QTMAN: variants seen among roughly 807,000 people sequenced by gnomAD.
The protein encoded by QTMAN is queuosine-tRNA mannosyltransferase.
the QTMAN span, among the ~76,000 whole-genome samples, chr2:144,158,183 AT>A: frequency 6.6e-6 from 1 of 151,946 alleles, no homozygotes; most frequent in Non-Finnish European, 1.5e-5. Context: ...AAATGTTAGT[AT>A]TTTACCACTC....
chr2:144,106,853 GAAGTA>G, the QTMAN span, among the ~76,000 whole-genome samples: 7 of 152,174 alleles, frequency 4.6e-5, no homozygotes, highest in African/African-American at 1.7e-4. Flanking sequence ...CACAGAGTTG[GAAGTA>G]AAGCTCTCCT....
chr2:144,223,966 C>A, the QTMAN span, among the ~76,000 whole-genome samples: 14 of 152,266 alleles, frequency 9.2e-5, no homozygotes, highest in Non-Finnish European at 1.9e-4. Context: ...CGTACAGCAA[C>A]AAGGATTATT....
the QTMAN span, among the ~76,000 whole-genome samples, chr2:143,986,015 C>A: frequency 1.3e-5 from 2 of 152,092 alleles, no homozygotes; most frequent in African/African-American, 4.8e-5. Flanking sequence ...TTAAATGCCT[C>A]ATATTGAGTG....
chr2:144,156,717 C>T, the QTMAN span, among the ~76,000 whole-genome samples: 3 of 151,976 alleles, frequency 2.0e-5, no homozygotes, highest in Non-Finnish European at 4.4e-5. Context: ...AAAATGCTTC[C>T]GTTGATCACA....
chr2:144,075,006 T>C, the QTMAN span, among the ~76,000 whole-genome samples: 1 of 152,226 alleles, frequency 6.6e-6, no homozygotes, highest in Admixed American at 6.5e-5. Context: ...TTGCCAACAT[T>C]TGAGGTTGGA....
the QTMAN span, among the ~76,000 whole-genome samples, chr2:144,246,511 T>C: frequency 2.9e-5 from 4 of 139,812 alleles, no homozygotes; most frequent in African/African-American, 1.1e-4. Flanking sequence ...AAGCGGAGCT[T>C]GCCGTGAGCC....
At chr2:144,281,850 A>T in the QTMAN span, among the ~76,000 whole-genome samples, 5 of 151,654 alleles carry the variant, frequency 3.3e-5, no homozygotes, top group Admixed American at 6.6e-5. Flanking sequence ...TCAGAAAATA[A>T]TTTTTTTTTC....
chr2:144,184,493 C>G, the QTMAN span, among the ~76,000 whole-genome samples: 2 of 151,984 alleles, frequency 1.3e-5, no homozygotes, highest in Admixed American at 1.3e-4. Context: ...AATTCTTCAA[C>G]AAAAGGCTTA....
the QTMAN span, chr2:144,230,242 A>G: frequency 6.6e-6 from 1 of 152,194 alleles, no homozygotes; most frequent in South Asian, 2.1e-4. Context: ...GAACTATACC[A>G]TATGGTCCAG....
At chr2:144,192,811 A>G in the QTMAN span, among the ~76,000 whole-genome samples, 1 of 152,252 alleles carries the variant, frequency 6.6e-6, no homozygotes, top group Admixed American at 6.5e-5. Context: ...TCTCTTGTGA[A>G]CAAGAAACGT....
At chr2:144,179,366 T>A in the QTMAN span, among the ~76,000 whole-genome samples, 1 of 152,212 alleles carries the variant, frequency 6.6e-6, no homozygotes, top group African/African-American at 2.4e-5. Context: ...ATGCTTTGCT[T>A]GCTCAATTGT....
the QTMAN span, among the ~76,000 whole-genome samples, chr2:144,135,145 G>C: frequency 6.6e-6 from 1 of 152,268 alleles, no homozygotes; most frequent in East Asian, 1.9e-4. Context: ...GTAATTTGCT[G>C]TAAGTCTATA....
chr2:144,023,843 A>T, the QTMAN span, among the ~76,000 whole-genome samples: 5,699 of 151,694 alleles, frequency 0.038, 148 homozygotes, highest in East Asian at 0.082. Flanking sequence ...CATAGAAAAT[A>T]AAAAAAAATT....
the QTMAN span, among the ~76,000 whole-genome samples, chr2:144,060,417 C>T: frequency 1.3e-5 from 2 of 152,110 alleles, no homozygotes; most frequent in South Asian, 2.1e-4. Context: ...CCTGGCACCA[C>T]GCCCAGCTAA....
chr2:144,245,128 A>C, the QTMAN span, among the ~76,000 whole-genome samples: 1 of 152,252 alleles, frequency 6.6e-6, no homozygotes. Flanking sequence ...ATAAATTGTA[A>C]TTAGCATCAT....
At chr2:144,276,301 C>G in the QTMAN span, among the ~76,000 whole-genome samples, 1 of 152,180 alleles carries the variant, frequency 6.6e-6, no homozygotes, top group Non-Finnish European at 1.5e-5. Flanking sequence ...CTCCCCTCAG[C>G]CTCCCAAAGT....
chr2:144,098,968 CTGAAAA>C, the QTMAN span, among the ~76,000 whole-genome samples: 1 of 151,910 alleles, frequency 6.6e-6, no homozygotes, highest in Admixed American at 6.6e-5. Flanking sequence ...ATAATATTTA[CTGAAAA>C]TCAAGAAAGG....
the QTMAN span, among the ~76,000 whole-genome samples, chr2:144,295,928 A>G: frequency 6.6e-5 from 10 of 152,168 alleles, no homozygotes; most frequent in African/African-American, 2.4e-4. Context: ...ACTTTTTTTA[A>G]CATGAAAATA....
the QTMAN span, among the ~76,000 whole-genome samples, chr2:144,088,896 T>C: frequency 2.6e-4 from 40 of 152,102 alleles, no homozygotes; most frequent in African/African-American, 9.4e-4. Context: ...AAAACTCTCC[T>C]GGACACTGGC....
Sources: allele counts gnomAD v4.1 joint callset (sites outside exome capture counted in the v4.1 genomes callset), GRCh38; gene constraint gnomAD v4.1.1; transcripts MANE v1.5; gene names NCBI Gene and HGNC (gene_info 2026-07-23, HGNC 2026-07-21).